Variants in PSEN1 observed in about 807,000 individuals in gnomAD.
PSEN1 encodes the protein presenilin 1, also known as presenilin-1.
A neutral mutation model predicts 53.5 loss-of-function variants in PSEN1; 15 were observed. That is an observed-to-expected ratio of 0.28 (90% CI 0.19 to 0.43). The LOEUF is 0.43. PSEN1 is among the 20% of genes least tolerant of loss of function. PSEN1 has a pLI of 1.00. For synonymous variants in PSEN1, 208 were observed against 209.8 expected, an observed-to-expected ratio of 0.99 and a Z score of 0.08; for missense variants, 387 against 571.2, an observed-to-expected ratio of 0.68 and a Z score of 3.29.
At chr14:73,204,059 C>T (rs1405552949) in intron 8 of PSEN1, among the ~76,000 whole-genome samples, 3 of 152,164 alleles carry the variant, frequency 2.0e-5, no homozygotes, top group African/African-American at 4.8e-5. Context: ...AGTGCAATGG[C>T]ACGATCTCGG....
intron 3 of PSEN1, among the ~76,000 whole-genome samples, chr14:73,161,576 G>A (rs1897537934): frequency 6.6e-6 from 1 of 152,138 alleles, no homozygotes; most frequent in African/African-American, 2.4e-5. Context: ...ACATAGGGCA[G>A]GGTCCAGGAG....
At chr14:73,181,421 G>A (rs1054767896) in intron 5 of PSEN1, among the ~76,000 whole-genome samples, 1 of 152,098 alleles carries the variant, frequency 6.6e-6, no homozygotes, top group Non-Finnish European at 1.5e-5. Context: ...TGGGCAACAA[G>A]AGCAAAACTC....
chr14:73,154,773 G>A (rs2139994133), intron 3 of PSEN1, among the ~76,000 whole-genome samples: 1 of 152,276 alleles, frequency 6.6e-6, no homozygotes, highest in East Asian at 1.9e-4. Flanking sequence ...AATATTTATG[G>A]AGTAAGAAAT....
At chr14:73,177,028 T>C (rs1898066446) in intron 5 of PSEN1, among the ~76,000 whole-genome samples, 1 of 152,214 alleles carries the variant, frequency 6.6e-6, no homozygotes, top group Non-Finnish European at 1.5e-5. Context: ...CTGGACCTTA[T>C]TGCCATTTGA....
chr14:73,222,694 C>T lies in PSEN1; in HGVS notation c.*3405C>T, dbSNP rs979108193. 2.6e-5 allele frequency: 4 copies of T among 152,098 alleles called. No homozygotes were observed. The highest frequency in any genetic ancestry group is 2.6e-4 in the Admixed American group (4 of 15,270). The allele number at this position is 152,098 out of a possible 1,614,324, so 9.4% of individuals were successfully genotyped here. A position where few individuals can be genotyped will look rare whatever the true frequency, so the allele number is the denominator to read the frequency against. ...TAATCTCTTGTTTTCTGGTATATGC[C>T]ATCTTTCTTTAACTTCTCTAAAATA... On this transcript the variant is annotated 3_prime_UTR_variant, in exon 12 of 12. Transcript: ENST00000324501.
chr14:73,181,080 A>G (rs1898197296), intron 5 of PSEN1, among the ~76,000 whole-genome samples: 1 of 152,246 alleles, frequency 6.6e-6, no homozygotes. Context: ...TACAGATTCC[A>G]TGCATAAGGC....
intron 5 of PSEN1, among the ~76,000 whole-genome samples, chr14:73,180,541 T>C (rs1262842367): frequency 6.6e-6 from 1 of 152,196 alleles, no homozygotes; most frequent in East Asian, 1.9e-4. Flanking sequence ...GCAATGTCTG[T>C]GGCAAGCCCT....
rs1429484405 is a variant in PSEN1 at position 73,151,913 on chromosome 14, T to A, written c.87+3807T>A. ...ATATATATTTTTTTTTTTTTTTTTT[T>A]TTTTTTTTTTTTTTTTGAGACGGAG... is the stretch of plus-strand genomic sequence containing the variant. On this transcript the variant is annotated intron_variant, in intron 3 of 11. Transcript: ENST00000324501. 2.1e-4 allele frequency among the ~76,000 whole-genome samples: 22 copies of A among 107,216 alleles called. 1 individual carries two copies. Among genetic ancestry groups the A allele is most frequent in the African/African-American group, 6.2e-4 (16 of 25,880 alleles). 70.3% of individuals were successfully genotyped at this position (107,216 alleles called of 152,430 possible). A position where few individuals can be genotyped will look rare whatever the true frequency, so the allele number is the denominator to read the frequency against.
chr14:73,182,709 GGT>G (rs1418413654), intron 5 of PSEN1, among the ~76,000 whole-genome samples: 1 of 151,884 alleles, frequency 6.6e-6, no homozygotes, highest in Non-Finnish European at 1.5e-5. Flanking sequence ...GTTGGTGGTG[GGT>G]GCCTGTAATC....
intron 1 of PSEN1, among the ~76,000 whole-genome samples, chr14:73,146,514 G>A (rs1174979648): frequency 6.6e-6 from 1 of 152,214 alleles, no homozygotes; most frequent in Non-Finnish European, 1.5e-5. Context: ...ACAATGGGCT[G>A]AAGGTGAGGG....
intron 8 of PSEN1, among the ~76,000 whole-genome samples, chr14:73,205,170 A>T (rs557572509): frequency 6.6e-6 from 1 of 152,210 alleles, no homozygotes; most frequent in South Asian, 2.1e-4. Flanking sequence ...AATGTCAAGT[A>T]TCTTGTTTAA....
At chr14:73,184,872 G>T (rs1318075549) in intron 5 of PSEN1, among the ~76,000 whole-genome samples, 2 of 143,552 alleles carry the variant, frequency 1.4e-5, no homozygotes, top group East Asian at 2.1e-4. Context: ...GGGCGGAGGG[G>T]CTCCTCACTT....
In PSEN1 at chr14:73,171,086, G is replaced by A. The variant is rs140089088; in HGVS notation, c.338+39G>A. 4.7e-3 allele frequency: 7,594 copies of A among 1,611,896 alleles called. 23 individuals are homozygous for A. Among genetic ancestry groups the A allele is most frequent in the Non-Finnish European group, 5.6e-3 (6,616 of 1,179,156 alleles). On this transcript the variant is annotated intron_variant, in intron 4 of 11. Coordinates refer to ENST00000324501, the MANE Select transcript of PSEN1 (RefSeq NM_000021.4). ...TTGTTTTATTATTCTCAAAGCCAGT[G>A]TGGCTTTTCTTTACAGCATGTCATC...
At chr14:73,178,143 C>T (rs948677525) in intron 5 of PSEN1, among the ~76,000 whole-genome samples, 7 of 151,330 alleles carry the variant, frequency 4.6e-5, no homozygotes, top group African/African-American at 1.5e-4. Context: ...TGGTCTTGAA[C>T]TCCTGGCCTT....
rs181795653 is a variant in PSEN1 at position 73,197,142 on chromosome 14, C to T, written c.770-889C>T. Among the ~76,000 whole-genome samples, 249 of 152,164 alleles carry T rather than the reference C, an allele frequency of 1.6e-3. 2 individuals are homozygous for T. Among genetic ancestry groups the T allele is most frequent in the Admixed American group, 5.6e-3 (86 of 15,292 alleles). ...TAGAGACAGGGTTTCACCGTGTTAGCCAGGATGGTCTTGATCTCCTGACCT... is the reference window on the plus strand; with the variant it reads ...TAGAGACAGGGTTTCACCGTGTTAGTCAGGATGGTCTTGATCTCCTGACCT... On this transcript the variant is annotated intron_variant, in intron 7 of 11. Transcript: ENST00000324501.
At chr14:73,186,374 C>T (rs898284396) in intron 5 of PSEN1, among the ~76,000 whole-genome samples, 7 of 151,012 alleles carry the variant, frequency 4.6e-5, no homozygotes, top group Non-Finnish European at 7.4e-5. Context: ...AGCGAAACTC[C>T]GTCTCAGAAA....
chr14:73,180,258 TA>T (rs1898170895), intron 5 of PSEN1, among the ~76,000 whole-genome samples: 1 of 152,232 alleles, frequency 6.6e-6, no homozygotes, highest in Non-Finnish European at 1.5e-5. Flanking sequence ...GTGCTGGGAC[TA>T]CAGGCCTGAG....
At position 73,195,611 on chromosome 14, in the gene PSEN1, A is replaced by T. The variant is rs143622535; in HGVS notation, c.770-2420A>T. Among the ~76,000 whole-genome samples the T allele has an allele frequency of 3.6e-3, 546 of 152,266 alleles. 11 individuals carry two copies. The highest frequency in any genetic ancestry group is 0.024 in the Admixed American group (368 of 15,296). ...TCAGTAAATTTTTTTCTGTTTTAAG[A>T]AACAGGATCTCACTCTGTCTCCCAG... On this transcript the variant is annotated intron_variant, in intron 7 of 11. Coordinates refer to ENST00000324501, the MANE Select transcript of PSEN1 (RefSeq NM_000021.4).
chr14:73,143,153 A>G (rs541333271), intron 1 of PSEN1, among the ~76,000 whole-genome samples: 1 of 152,338 alleles, frequency 6.6e-6, no homozygotes, highest in South Asian at 2.1e-4. Flanking sequence ...TTCAGCTGAT[A>G]CTGGACCGAA....
Sources: allele counts gnomAD v4.1 joint callset (sites outside exome capture counted in the v4.1 genomes callset), GRCh38; gene constraint gnomAD v4.1.1; transcripts MANE v1.5; gene names NCBI Gene and HGNC (gene_info 2026-07-23, HGNC 2026-07-21).